Variants in DLG2 observed in about 807,000 individuals in gnomAD.
DLG2 encodes discs large MAGUK scaffold protein 2.
In DLG2, 45 loss-of-function variants were observed where a neutral mutation model predicts 132.5. That is an observed-to-expected ratio of 0.34 (90% CI 0.27 to 0.44). The LOEUF (loss-of-function observed/expected upper bound fraction) is 0.44. DLG2 is among the 20% of genes least tolerant of loss of function. The probability of loss-of-function intolerance (pLI) is 1.00; values close to 1 mark genes in which losing one functional copy is unlikely to be tolerated. For synonymous variants in DLG2, 424 were observed against 419.6 expected (o/e 1.01, Z -0.13); for missense variants, 1,045 against 1,196.9 (o/e 0.87, Z 1.87).
intron 7 of DLG2, among the ~76,000 whole-genome samples, chr11:84,532,235 C>T (rs536841620): frequency 4.1e-5 from 6 of 147,914 alleles, no homozygotes; most frequent in African/African-American, 1.2e-4. Context: ...AGAAGTAACA[C>T]AAGGAATCTC....
At chr11:83,772,009 G>A (rs2094413656) in intron 18 of DLG2, among the ~76,000 whole-genome samples, 1 of 151,630 alleles carries the variant, frequency 6.6e-6, no homozygotes, top group Non-Finnish European at 1.5e-5. Context: ...TTTTTTTCTA[G>A]AAAATCACAC....
intron 6 of DLG2, among the ~76,000 whole-genome samples, chr11:84,786,165 C>A (rs557188814): frequency 2.2e-4 from 34 of 151,948 alleles, no homozygotes; most frequent in Non-Finnish European, 4.0e-4. Flanking sequence ...TAACATTAGT[C>A]ATAGAAGAAG....
intron 5 of DLG2, among the ~76,000 whole-genome samples, chr11:85,116,803 C>A (rs534294532): frequency 1.1e-4 from 17 of 151,946 alleles, no homozygotes; most frequent in African/African-American, 4.1e-4. Flanking sequence ...ACTTGAGGAT[C>A]CTGAATCCTA....
intron 6 of DLG2, among the ~76,000 whole-genome samples, chr11:85,094,390 T>C (rs2069375627): frequency 6.6e-6 from 1 of 152,236 alleles, no homozygotes; most frequent in Non-Finnish European, 1.5e-5. Context: ...TCTTTATCTA[T>C]GAAAGTTCTA....
chr11:84,088,545 C>A (rs993833469), intron 10 of DLG2, among the ~76,000 whole-genome samples: 6 of 152,118 alleles, frequency 3.9e-5, no homozygotes, highest in Non-Finnish European at 7.4e-5. Context: ...ACCAGATGTG[C>A]AGCTGAAATT....
chr11:85,524,920 G>A (rs2074625199), intron 3 of DLG2: 3 of 151,250 alleles, frequency 2.0e-5, no homozygotes, highest in Admixed American at 6.6e-5. Context: ...GAAACGTCTG[G>A]TATGATGGAA....
intron 11 of DLG2, among the ~76,000 whole-genome samples, chr11:83,985,680 C>T (rs539692517): frequency 6.6e-6 from 1 of 152,246 alleles, no homozygotes; most frequent in Admixed American, 6.5e-5. Flanking sequence ...CTGTAGAGGA[C>T]ATGATCTCAT....
At chr11:85,079,198 A>G (rs1424735565) in intron 6 of DLG2, among the ~76,000 whole-genome samples, 1 of 152,136 alleles carries the variant, frequency 6.6e-6, no homozygotes, top group Non-Finnish European at 1.5e-5. Context: ...ATCTGGCATC[A>G]GTAGAAGGGA....
At chr11:85,537,950 A>G (rs1223355832) in intron 3 of DLG2, among the ~76,000 whole-genome samples, 5 of 151,692 alleles carry the variant, frequency 3.3e-5, no homozygotes, top group African/African-American at 1.2e-4. Flanking sequence ...CCCCGTCTCT[A>G]CTAAAAATAC....
intron 6 of DLG2, among the ~76,000 whole-genome samples, chr11:84,575,516 A>G (rs779824079): frequency 2.6e-5 from 4 of 152,158 alleles, no homozygotes; most frequent in African/African-American, 4.8e-5. Flanking sequence ...GTTCCCTTGT[A>G]GCACTTTTCA....
chr11:85,435,364 G>A (rs2091420940), intron 3 of DLG2, among the ~76,000 whole-genome samples: 1 of 152,190 alleles, frequency 6.6e-6, no homozygotes, highest in African/African-American at 2.4e-5. Flanking sequence ...AGAGAGGGAA[G>A]TCAAATTGTC....
At chr11:85,187,400 GA>G in intron 4 of DLG2, among the ~76,000 whole-genome samples, 1 of 151,960 alleles carries the variant, frequency 6.6e-6, no homozygotes, top group Non-Finnish European at 1.5e-5. Flanking sequence ...ATTAGGATGG[GA>G]CCCACTGACT....
rs887664314 is a variant in DLG2 at position 85,535,721 on chromosome 11, G to A, written c.40+62936C>T. 1.1e-4 allele frequency among the ~76,000 whole-genome samples: 16 copies of A among 152,044 alleles called. 1 individual carries two copies. Among genetic ancestry groups the A allele is most frequent in the Middle Eastern group, 3.4e-3 (1 of 294 alleles). ...GCATTATTCAAAATAGCCAAAATACGGGAATAACCCAAATATCCAACAATC... is the reference window on the plus strand; with the variant it reads ...GCATTATTCAAAATAGCCAAAATACAGGAATAACCCAAATATCCAACAATC... On this transcript the variant is annotated intron_variant, in intron 3 of 27. Transcript: ENST00000376104.
At chr11:84,638,576 C>T (rs2099644686) in intron 6 of DLG2, among the ~76,000 whole-genome samples, 1 of 152,146 alleles carries the variant, frequency 6.6e-6, no homozygotes, top group South Asian at 2.1e-4. Flanking sequence ...AATGTACATA[C>T]TTTATCCATT....
intron 11 of DLG2, among the ~76,000 whole-genome samples, chr11:83,999,816 A>C (rs1392558321): frequency 6.6e-6 from 1 of 152,140 alleles, no homozygotes. Flanking sequence ...ACAAGAATCA[A>C]AGCCAAAGTG....
chr11:84,128,756 C>CA (rs1400223915), intron 9 of DLG2, among the ~76,000 whole-genome samples: 1 of 151,968 alleles, frequency 6.6e-6, no homozygotes, highest in Non-Finnish European at 1.5e-5. Context: ...TTGATATAAT[C>CA]AAGCGAGGCT....
chr11:84,761,931 A>G (rs186501949), intron 6 of DLG2, among the ~76,000 whole-genome samples: 1 of 152,296 alleles, frequency 6.6e-6, no homozygotes, highest in East Asian at 1.9e-4. Context: ...ATAAAATTAT[A>G]AAAATGTTTT....
intron 18 of DLG2, among the ~76,000 whole-genome samples, chr11:83,655,146 C>T (rs920165537): frequency 6.6e-6 from 1 of 152,184 alleles, no homozygotes; most frequent in African/African-American, 2.4e-5. Flanking sequence ...AGTGGCCTCT[C>T]TGTGACTCAT....
intron 8 of DLG2, among the ~76,000 whole-genome samples, chr11:84,183,261 T>G (rs1017676836): frequency 2.6e-5 from 4 of 152,156 alleles, no homozygotes; most frequent in Non-Finnish European, 4.4e-5. Context: ...CATAAAATGT[T>G]CAAGAACAAA....
Sources: allele counts gnomAD v4.1 joint callset (sites outside exome capture counted in the v4.1 genomes callset), GRCh38; gene constraint gnomAD v4.1.1; transcripts MANE v1.5; gene names NCBI Gene and HGNC (gene_info 2026-07-23, HGNC 2026-07-21).